PCSK2: variants seen among roughly 807,000 people sequenced by gnomAD.
PCSK2 encodes the protein neuroendocrine convertase 2.
Under a neutral mutation model 69.7 loss-of-function variants are expected in PCSK2, and 14 were observed. That is an observed-to-expected ratio of 0.20 (90% CI 0.13 to 0.31). The LOEUF (loss-of-function observed/expected upper bound fraction) is 0.31. Ranked by LOEUF, PCSK2 falls within the 10% of genes least tolerant of loss-of-function variation. PCSK2 has a pLI of 1.00. For synonymous variants in PCSK2, 307 were observed against 320.7 expected, an observed-to-expected ratio of 0.96 and a Z score of 0.46; for missense variants, 544 against 842.5, an observed-to-expected ratio of 0.65 and a Z score of 4.39.
chr20:17,471,093 T>C (rs1259577414), intron 11 of PCSK2, among the ~76,000 whole-genome samples: 2 of 151,876 alleles, frequency 1.3e-5, no homozygotes, highest in Non-Finnish European at 2.9e-5. Flanking sequence ...CACCATATGA[T>C]TATGAGAGAG....
chr20:17,237,514 G>C (rs561540755), intron 1 of PCSK2, among the ~76,000 whole-genome samples: 2 of 152,098 alleles, frequency 1.3e-5, no homozygotes, highest in Non-Finnish European at 2.9e-5. Context: ...AAAGAATCAA[G>C]AGCACACAGG....
intron 4 of PCSK2, among the ~76,000 whole-genome samples, chr20:17,362,537 C>T (rs2030432358): frequency 6.6e-6 from 1 of 152,142 alleles, no homozygotes; most frequent in Non-Finnish European, 1.5e-5. Flanking sequence ...GGCTCAGCCT[C>T]CCTCCCTTTC....
chr20:17,426,564 T>C (rs2032253197), intron 6 of PCSK2, among the ~76,000 whole-genome samples: 1 of 152,186 alleles, frequency 6.6e-6, no homozygotes, highest in South Asian at 2.1e-4. Context: ...AGAGGTTCAT[T>C]ATAAGGAATT....
intron 11 of PCSK2, among the ~76,000 whole-genome samples, chr20:17,472,511 G>C (rs1398677852): frequency 6.6e-6 from 1 of 152,254 alleles, no homozygotes. Flanking sequence ...ACTTGAGAAA[G>C]AGTGGCTGTC....
At chr20:17,325,144 CA>C (rs1990002890) in intron 2 of PCSK2, among the ~76,000 whole-genome samples, 1 of 152,170 alleles carries the variant, frequency 6.6e-6, no homozygotes, top group Non-Finnish European at 1.5e-5. Context: ...CTTGTAATTG[CA>C]TGTCATTTGC....
chr20:17,361,141 A>C (rs1327668765), intron 4 of PCSK2, among the ~76,000 whole-genome samples: 8 of 152,196 alleles, frequency 5.3e-5, no homozygotes, highest in Non-Finnish European at 5.9e-5. Context: ...GCTGAAATTC[A>C]ATTCCATTTT....
chr20:17,269,406 G>A (rs1987770888), intron 2 of PCSK2, among the ~76,000 whole-genome samples: 1 of 152,168 alleles, frequency 6.6e-6, no homozygotes, highest in African/African-American at 2.4e-5. Context: ...CAGAGGTCAA[G>A]AGAAGACCAA....
Position 17,360,505 on chromosome 20 carries a change from T to C in PCSK2, c.397-27T>C. On this transcript the variant is annotated intron_variant, in intron 3 of 11. Coordinates refer to ENST00000262545, the MANE Select transcript of PCSK2 (RefSeq NM_002594.5). ...GCTTTACAACACCAAACTAATACCA[T>C]TCTCTGCTTTGAAATTCCTGTACCA... 2.8e-6 allele frequency: 4 copies of C among 1,406,308 alleles called. 1 individual carries two copies. The highest frequency in any genetic ancestry group is 3.5e-4 in the Middle Eastern group (2 of 5,642). 87.1% of individuals were successfully genotyped at this position (1,406,308 alleles called of 1,614,324 possible).
intron 2 of PCSK2, among the ~76,000 whole-genome samples, chr20:17,264,781 T>C (rs1450222983): frequency 1.3e-5 from 2 of 152,232 alleles, no homozygotes; most frequent in African/African-American, 2.4e-5. Flanking sequence ...TAGTTAATTA[T>C]TTGATTATTT....
intron 7 of PCSK2, among the ~76,000 whole-genome samples, chr20:17,434,043 C>G (rs563914059): frequency 2.2e-4 from 31 of 143,752 alleles, no homozygotes; most frequent in African/African-American, 7.3e-4. Flanking sequence ...CACTCTCCCT[C>G]TCTCCCTCTC....
intron 6 of PCSK2, among the ~76,000 whole-genome samples, chr20:17,424,726 C>T (rs1433877621): frequency 1.3e-5 from 2 of 152,050 alleles, no homozygotes; most frequent in African/African-American, 2.4e-5. Flanking sequence ...CTCCTGACCT[C>T]GTGATCTACC....
chr20:17,295,111 A>T (rs1346687965), intron 2 of PCSK2, among the ~76,000 whole-genome samples: 1 of 152,026 alleles, frequency 6.6e-6, no homozygotes, highest in Non-Finnish European at 1.5e-5. Flanking sequence ...TGTTCATATC[A>T]TAGTGATAGA....
At chr20:17,341,364 T>C (rs1329091099) in intron 2 of PCSK2, among the ~76,000 whole-genome samples, 1 of 152,240 alleles carries the variant, frequency 6.6e-6, no homozygotes, top group Non-Finnish European at 1.5e-5. Context: ...AGGGTTCTTA[T>C]GTTTCCACTC....
chr20:17,378,625 ATGGATGGATGGATGGATGAATGGATGG>A (rs2030999973), intron 5 of PCSK2, among the ~76,000 whole-genome samples: 1 of 113,562 alleles, frequency 8.8e-6, no homozygotes, highest in African/African-American at 3.0e-5. Flanking sequence ...GGATGGATGG[ATGGATGGATGGATGGATGAATGGATGG>A]ATGGATGATT....
At chr20:17,465,293 C>A in intron 10 of PCSK2, 33 bp from the exon 11 acceptor site, 1 of 1,521,046 alleles carries the variant, frequency 6.6e-7, no homozygotes, top group South Asian at 1.1e-5. Context: ...GCCTTTTGCC[C>A]TTGCCCTCTT....
Position 17,482,050 on chromosome 20 carries a change from A to G in PCSK2, c.1897A>G (p.Ser633Gly), listed in dbSNP as rs375179104. ...CGAAGCCGTGGAGAGAAGCCTGAAA[A>G]GCATCCTTAACAAGAACTAGCGCTG... The part of the protein sequence containing the change: ...LDEAVERSLK[S>G]ILNKN The change falls in exon 12 of 12, where the codon AGC (serine) becomes GGC (glycine). Residue 633 changes from serine (S) to glycine (G), a missense_variant. Physicochemically the swap from Ser to Gly is moderately conservative, Grantham distance 56 (BLOSUM62 0). Transcript: ENST00000262545. 2 of 1,595,540 alleles carry G rather than the reference A, an allele frequency of 1.3e-6. No individual in the cohort carries two copies. The highest frequency in any genetic ancestry group is 2.2e-5 in the East Asian group (1 of 44,714).
chr20:17,400,111 C>G (rs2031601229), intron 5 of PCSK2, among the ~76,000 whole-genome samples: 1 of 152,156 alleles, frequency 6.6e-6, no homozygotes, highest in Non-Finnish European at 1.5e-5. Flanking sequence ...GCTCCCCTAG[C>G]TCTTTAGTGA....
chr20:17,349,990 A>G lies in PCSK2; in HGVS notation c.283-8337A>G, dbSNP rs566832163. ...TCGCGAGGACACCTTGTTTTCTTGT[A>G]GTGATGTTAACTCCAGTCTCTGCCT... is the stretch of plus-strand genomic sequence containing the variant. On this transcript the variant is annotated intron_variant, in intron 2 of 11. Coordinates refer to ENST00000262545, the MANE Select transcript of PCSK2 (RefSeq NM_002594.5). Among the ~76,000 whole-genome samples the G allele has an allele frequency of 6.6e-5, 10 of 152,046 alleles. No homozygotes were observed. The South Asian group carries it at 2.1e-3, about 32-fold the overall frequency.
chr20:17,407,866 C>T (rs2031788420), intron 5 of PCSK2, among the ~76,000 whole-genome samples: 1 of 152,150 alleles, frequency 6.6e-6, no homozygotes, highest in Non-Finnish European at 1.5e-5. Flanking sequence ...AGGCAAATTA[C>T]TGGGCCAAAT....
Sources: gnomAD v4.1 joint callset for allele counts (sites outside exome capture counted in the v4.1 genomes callset) on GRCh38, gnomAD v4.1.1 for gene constraint, MANE v1.5 for transcripts, NCBI Gene and HGNC (gene_info 2026-07-23, HGNC 2026-07-21) for gene names.